Variants in XYLB observed in about 807,000 individuals in gnomAD.
XYLB encodes xylulose kinase.
Under a neutral mutation model 78.7 loss-of-function variants are expected in XYLB, and 62 were observed. The observed-to-expected ratio is 0.79, with a 90% CI of 0.64 to 0.97. XYLB has a LOEUF of 0.97. Among genes scored for constraint, XYLB ranks in the 50% least tolerant of loss-of-function variants. The pLI is 0.00. For synonymous variants in XYLB, 245 were observed against 247.4 expected, an observed-to-expected ratio of 0.99 and a Z score of 0.09; for missense variants, 687 against 676.8, an observed-to-expected ratio of 1.02 and a Z score of -0.17.
chr3:38,366,313 G>T (rs704945), intron 6 of XYLB, among the ~76,000 whole-genome samples: 2 of 151,830 alleles, frequency 1.3e-5, no homozygotes, highest in Non-Finnish European at 2.9e-5. Flanking sequence ...TCACCTGGTG[G>T]CTTGGTCAGA....
chr3:38,436,305 CA>C, the XYLB span, among the ~76,000 whole-genome samples: 1 of 152,108 alleles, frequency 6.6e-6, no homozygotes, highest in African/African-American at 2.4e-5. Context: ...TATACATAGA[CA>C]AACTGGAAAA....
chr3:38,445,109 T>C, the XYLB span, among the ~76,000 whole-genome samples: 1 of 152,196 alleles, frequency 6.6e-6, no homozygotes, highest in Admixed American at 6.5e-5. Flanking sequence ...CCCTTTCCTA[T>C]AAAGATGATA....
chr3:38,378,518 G>A (rs1706981295), intron 14 of XYLB, among the ~76,000 whole-genome samples: 1 of 152,168 alleles, frequency 6.6e-6, no homozygotes, highest in Non-Finnish European at 1.5e-5. Flanking sequence ...ACTTACCCTG[G>A]GTGGGGTGAT....
At chr3:38,444,805 C>T in the XYLB span, among the ~76,000 whole-genome samples, 1,426 of 152,206 alleles carry the variant, frequency 9.4e-3, 17 homozygotes, top group Middle Eastern at 0.082. Flanking sequence ...CATGCCCCCC[C>T]ACCCCTGGCC....
At chr3:38,380,864 C>G (rs1707110418) in intron 15 of XYLB, among the ~76,000 whole-genome samples, 2 of 152,170 alleles carry the variant, frequency 1.3e-5, no homozygotes, top group African/African-American at 4.8e-5. Context: ...AATGAACCAG[C>G]CTCAGTGATC....
chr3:38,397,823 CT>C (rs71085321), intron 17 of XYLB, among the ~76,000 whole-genome samples: 75 of 138,598 alleles, frequency 5.4e-4, no homozygotes, highest in South Asian at 3.3e-3. Flanking sequence ...TTTTTCTTTT[CT>C]TTTTTTTTTT....
At chr3:38,363,200 G>A (rs143244388) in intron 4 of XYLB, among the ~76,000 whole-genome samples, 183 bp downstream of exon 4, 1,662 of 152,226 alleles carry the variant, frequency 0.011, 36 homozygotes, top group African/African-American at 0.038. Flanking sequence ...AACTTGTCTC[G>A]TTGCAAAAGG....
chr3:38,403,695 T>C lies in XYLB; in HGVS notation c.1533+2710T>C, dbSNP rs148592282. 7.9e-5 allele frequency among the ~76,000 whole-genome samples: 12 copies of C among 152,268 alleles called. No individual in the cohort carries two copies. The East Asian group carries it at 1.2e-3, about 15-fold the overall frequency. On this transcript the variant is annotated intron_variant, in intron 18 of 18. Coordinates refer to ENST00000207870, the MANE Select transcript of XYLB (RefSeq NM_005108.4). ...AAAGTCTAGGGTAGGGTCTGGCTCT[T>C]TCATTCTATCTAGAAGGAGGCCAGC...
downstream of XYLB, among the ~76,000 whole-genome samples, chr3:38,426,110 C>G (rs953078148): frequency 2.0e-5 from 3 of 152,192 alleles, no homozygotes; most frequent in African/African-American, 7.2e-5. Context: ...ATTGCTGTCA[C>G]AGCTACTGCC....
chr3:38,355,425 G>A (rs1200361719), intron 2 of XYLB, among the ~76,000 whole-genome samples: 3 of 152,226 alleles, frequency 2.0e-5, no homozygotes, highest in African/African-American at 7.2e-5. Context: ...GAGCCACTAA[G>A]TTTTGAAGTG....
chr3:38,349,214 C>T (rs1705224436), intron 2 of XYLB, among the ~76,000 whole-genome samples: 1 of 152,204 alleles, frequency 6.6e-6, no homozygotes, highest in Non-Finnish European at 1.5e-5. Context: ...CAAGAAAGAG[C>T]ATGGTTCATT....
Position 38,370,152 on chromosome 3 carries a change from C to T in XYLB, c.743C>T (p.Pro248Leu), listed in dbSNP as rs1257156019. The stretch of plus-strand genomic sequence containing the variant: ...CATTTAGAGGAGAAGCTTAGCCCAC[C>T]AGTACCATCATGCTCAGTTGTGGTA... ...APHLEEKLSP[P>L]VPSCSVVGAI... is the part of the protein sequence containing the mutation. The change falls in exon 9 of 19, where the codon CCA becomes CTA. Residue 248 changes from proline (P) to leucine (L), a missense_variant. Coordinates refer to ENST00000207870, the MANE Select transcript of XYLB (RefSeq NM_005108.4). 6.2e-7 allele frequency: 1 copy of T among 1,613,796 alleles called. No homozygotes were observed. The highest frequency in any genetic ancestry group is 1.3e-5 in the African/African-American group (1 of 74,848).
At chr3:38,395,088 G>C (rs2125644112) in intron 15 of XYLB, among the ~76,000 whole-genome samples, 1 of 152,316 alleles carries the variant, frequency 6.6e-6, no homozygotes, top group South Asian at 2.1e-4. Flanking sequence ...GGGACTACTT[G>C]AAGGTGTGAA....
intron 2 of XYLB, among the ~76,000 whole-genome samples, chr3:38,349,678 GTA>G (rs1410608335): frequency 6.6e-6 from 1 of 152,170 alleles, no homozygotes; most frequent in Non-Finnish European, 1.5e-5. Flanking sequence ...CCATAACAAG[GTA>G]CCATAGACTG....
At chr3:38,411,994 T>C (rs557599901) in intron 18 of XYLB, among the ~76,000 whole-genome samples, 1 of 151,320 alleles carries the variant, frequency 6.6e-6, no homozygotes, top group African/African-American at 2.4e-5. Context: ...CTTTTTTTTT[T>C]TTTTTCTTTT....
intron 2 of XYLB, among the ~76,000 whole-genome samples, chr3:38,351,870 T>G (rs1221464370): frequency 6.6e-6 from 1 of 152,218 alleles, no homozygotes; most frequent in Non-Finnish European, 1.5e-5. Flanking sequence ...TATTGCCGAG[T>G]AGTATTTCAT....
rs866488274 is a variant in XYLB at position 38,407,033 on chromosome 3, C to T, written c.1534-5903C>T. ...ATTCAGATTCAGGAAATACAGAGAA[C>T]GCCACAAAGATACTCCTCGAGAAGA... On this transcript the variant is annotated intron_variant, in intron 18 of 18. Coordinates refer to ENST00000207870, the MANE Select transcript of XYLB (RefSeq NM_005108.4). Among the ~76,000 whole-genome samples the T allele has an allele frequency of 3.3e-3, 443 of 133,316 alleles. 6 individuals are homozygous for T. Among genetic ancestry groups the T allele is most frequent in the African/African-American group, 0.01 (372 of 35,952 alleles). 87.5% of individuals were successfully genotyped at this position (133,316 alleles called of 152,430 possible).
intron 2 of XYLB, among the ~76,000 whole-genome samples, chr3:38,351,171 C>CAAAAAAA (rs58457623): frequency 0.017 from 403 of 23,090 alleles, 38 homozygotes; most frequent in African/African-American, 0.041. Flanking sequence ...GAGCCTGTCT[C>CAAAAAAA]AAAAAAAAAA....
At chr3:38,398,698 G>A (rs1169151420) in intron 17 of XYLB, among the ~76,000 whole-genome samples, 2 of 144,280 alleles carry the variant, frequency 1.4e-5, no homozygotes, top group African/African-American at 2.5e-5. Flanking sequence ...TCCTTCCTCT[G>A]TTTGTTACTT....
Sources: gnomAD v4.1 joint callset for allele counts (sites outside exome capture counted in the v4.1 genomes callset) on GRCh38, gnomAD v4.1.1 for gene constraint, MANE v1.5 for transcripts, NCBI Gene and HGNC (gene_info 2026-07-23, HGNC 2026-07-21) for gene names.